Variants in FIP1L1 observed in about 807,000 individuals in gnomAD.
The protein encoded by FIP1L1 is pre-mRNA 3'-end-processing factor FIP1.
FIP1L1 carries 21 observed loss-of-function variants against 84.6 expected under a neutral mutation model. The ratio of observed to expected loss-of-function variants is 0.25; its 90% CI spans 0.18 to 0.36. The LOEUF is 0.36. Ranked by LOEUF, FIP1L1 falls within the 10% of genes least tolerant of loss-of-function variation. The pLI, the probability that FIP1L1 is intolerant of heterozygous loss-of-function variation, is 1.00. For missense variants in FIP1L1, 526 were observed against 751.1 expected, an observed-to-expected ratio of 0.70 and a Z score of 3.50; for synonymous variants, 263 against 242.3, an observed-to-expected ratio of 1.09 and a Z score of -0.80.
chr4:53,433,605 A>T (rs1158471301), intron 13 of FIP1L1, among the ~76,000 whole-genome samples: 1 of 152,188 alleles, frequency 6.6e-6, no homozygotes, highest in Admixed American at 6.5e-5. Flanking sequence ...TATCAGCCTC[A>T]AATGACTAGT....
chr4:53,425,470 G>A (rs1763952814), intron 11 of FIP1L1, among the ~76,000 whole-genome samples: 1 of 151,944 alleles, frequency 6.6e-6, no homozygotes, highest in African/African-American at 2.4e-5. Context: ...CCTTTTTGGG[G>A]AATATTTAAA....
At position 53,434,079 on chromosome 4, in the gene FIP1L1, C is replaced by T. The variant is rs576749885; in HGVS notation, c.1174+5896C>T. ...TTCTTTAGCACAGCAGTTCTCAAAA[C>T]TTTTTGGTTACGTCTTCTTTAAACT... On this transcript the variant is annotated intron_variant, in intron 13 of 17. Transcript: ENST00000337488. Among the ~76,000 whole-genome samples, 63 of 152,164 alleles carry T rather than the reference C, an allele frequency of 4.1e-4. No homozygotes were observed. The East Asian group carries it at 0.011, about 27-fold the overall frequency.
intron 10 of FIP1L1, among the ~76,000 whole-genome samples, chr4:53,408,982 T>A (rs28848852): frequency 0.048 from 7,274 of 152,294 alleles, 340 homozygotes; most frequent in South Asian, 0.2. Flanking sequence ...TCTGAAGCTT[T>A]CTTCTCTCAA....
chr4:53,381,753 C>CTTTTTTTTATTTTTTTTTTTTTTTTTT (rs1738060942), intron 3 of FIP1L1, among the ~76,000 whole-genome samples: 1 of 87,948 alleles, frequency 1.1e-5, no homozygotes, highest in Non-Finnish European at 2.0e-5. Flanking sequence ...CATTTGCATT[C>CTTTTTTTTATTTTTTTTTTTTTTTTTT]TTTTTTTTTT....
chr4:53,431,063 G>C (rs761051904), intron 13 of FIP1L1, among the ~76,000 whole-genome samples: 6 of 152,130 alleles, frequency 3.9e-5, no homozygotes, highest in African/African-American at 7.2e-5. Flanking sequence ...TTAGTCAAGT[G>C]GTCTTGTACG....
At chr4:53,385,937 A>G (rs1740793895) in intron 5 of FIP1L1, among the ~76,000 whole-genome samples, 1 of 152,146 alleles carries the variant, frequency 6.6e-6, no homozygotes, top group Non-Finnish European at 1.5e-5. Context: ...TTTGATAAAC[A>G]TTTACTTATG....
chr4:53,430,864 G>A (rs1578850800), intron 13 of FIP1L1, among the ~76,000 whole-genome samples: 2 of 152,266 alleles, frequency 1.3e-5, no homozygotes, highest in Admixed American at 6.5e-5. Context: ...TTTAATGAGT[G>A]CAGATTCAAA....
intron 10 of FIP1L1, among the ~76,000 whole-genome samples, chr4:53,406,005 TCTC>T (rs1186174403): frequency 6.6e-6 from 1 of 151,914 alleles, no homozygotes; most frequent in Non-Finnish European, 1.5e-5. Context: ...TTTATTTCCT[TCTC>T]CTGCCTAATT....
Position 53,391,707 on chromosome 4 carries a change from C to CGAGTAAAACTATTGTTTGCTA in FIP1L1, c.705+210_705+230dup, listed in dbSNP as rs1303246443. Among the ~76,000 whole-genome samples, 9 of 152,152 alleles carry CGAGTAAAACTATTGTTTGCTA rather than the reference C, an allele frequency of 5.9e-5. No homozygotes were observed. The South Asian group carries it at 1.9e-3, about 32-fold the overall frequency. On this transcript the variant is annotated intron_variant, in intron 9 of 17. Transcript: ENST00000337488. ...TATAGCCTATTATACTAACAAATGC[C>CGAGTAAAACTATTGTTTGCTA]GAGTAAAACTATTGTTTGCTATATG...
rs370223827 is a variant in FIP1L1, at chr4:53,410,013, G to C, written c.816-4602G>C. ...CTGCACCCACTGTCCTGCGCCCACT[G>C]TCTGGCACTCCCTAGTGAGATGAAC... On this transcript the variant is annotated intron_variant, in intron 10 of 17. Transcript: ENST00000337488. Among the ~76,000 whole-genome samples, 33 of 152,328 alleles carry C rather than the reference G, an allele frequency of 2.2e-4. No individual in the cohort carries two copies. In the South Asian group the frequency reaches 5.2e-3, roughly 24 times the overall value.
At chr4:53,413,351 C>A (rs1358416648) in intron 10 of FIP1L1, among the ~76,000 whole-genome samples, 1 of 151,998 alleles carries the variant, frequency 6.6e-6, no homozygotes, top group African/African-American at 2.4e-5. Flanking sequence ...TCCTTATTTC[C>A]AGGCCTTTTC....
chr4:53,407,495 G>T (rs1754313333), intron 10 of FIP1L1, among the ~76,000 whole-genome samples: 3 of 152,038 alleles, frequency 2.0e-5, no homozygotes, highest in Admixed American at 2.0e-4. Context: ...TGTTGATTTG[G>T]GGTGGAGAGT....
intron 15 of FIP1L1, among the ~76,000 whole-genome samples, chr4:53,446,306 G>C (rs1560578228): frequency 2.0e-5 from 3 of 152,060 alleles, no homozygotes; most frequent in African/African-American, 7.2e-5. Context: ...TAAATGGACA[G>C]CTCAGTTCTT....
At chr4:53,409,796 G>C (rs548740203) in intron 10 of FIP1L1, among the ~76,000 whole-genome samples, 9 of 152,370 alleles carry the variant, frequency 5.9e-5, no homozygotes, top group African/African-American at 9.6e-5. Flanking sequence ...CTCCGACCCA[G>C]GTGCAGGATA....
intron 16 of FIP1L1, among the ~76,000 whole-genome samples, chr4:53,457,140 G>C (rs1255587096): frequency 6.6e-6 from 1 of 152,096 alleles, no homozygotes; most frequent in Admixed American, 6.6e-5. Context: ...TATAAATGTT[G>C]TCAGTTCTGT....
chr4:53,423,513 G>A (rs191150104), intron 11 of FIP1L1, among the ~76,000 whole-genome samples: 1 of 152,206 alleles, frequency 6.6e-6, no homozygotes, highest in Admixed American at 6.5e-5. Context: ...TCCATAATGT[G>A]GCATCAGAAT....
chr4:53,451,732 T>G (rs1030260562), intron 15 of FIP1L1, among the ~76,000 whole-genome samples: 25 of 152,102 alleles, frequency 1.6e-4, no homozygotes, highest in Admixed American at 1.5e-3. Context: ...TATTTTAGTT[T>G]TCTTCTTTTT....
intron 9 of FIP1L1, among the ~76,000 whole-genome samples, chr4:53,396,063 T>C (rs181677539): frequency 7.7e-4 from 117 of 151,434 alleles, no homozygotes; most frequent in African/African-American, 2.8e-3. Flanking sequence ...GGATTACAGG[T>C]GTATACCACC....
rs2149382845 is a variant in FIP1L1 at position 53,391,106 on chromosome 4, T to G, written c.603T>G (p.Val201=). The G allele has an allele frequency of 6.2e-7, 1 of 1,611,330 alleles. No individual in the cohort carries two copies. The highest frequency in any genetic ancestry group is 2.2e-5 in the East Asian group (1 of 44,774). The change falls in exon 8 of 18, where the codon GTT becomes GTG. Residue 201 remains valine, a synonymous_variant. Transcript: ENST00000337488. ...AGAGGATACGAATGGGACTTGAAGT[T>G]ATACCAGTAACCTCTACTACAAATA... is the stretch of plus-strand genomic sequence containing the variant. ...KQKRIRMGLE[V]IPVTSTTNKI... is the part of the protein sequence containing the mutation.
Sources: gnomAD v4.1 joint callset for allele counts (sites outside exome capture counted in the v4.1 genomes callset) on GRCh38, gnomAD v4.1.1 for gene constraint, MANE v1.5 for transcripts, NCBI Gene and HGNC (gene_info 2026-07-23, HGNC 2026-07-21) for gene names.